The following ARID1A variants were observed in gnomAD, a reference collection of about 807,000 sequenced individuals.
ARID1A encodes the protein AT-rich interactive domain-containing protein 1A.
Under a neutral mutation model 212.6 loss-of-function variants are expected in ARID1A, and 20 were observed. The observed-to-expected ratio is 0.09, with a 90% CI of 0.07 to 0.14. The LOEUF is 0.14. Ranked by LOEUF, ARID1A falls within the 10% of genes least tolerant of loss-of-function variation. ARID1A has a pLI of 1.00. For synonymous variants in ARID1A, 1,376 were observed against 1,222.1 expected, an observed-to-expected ratio of 1.13 and a Z score of -2.63; for missense variants, 2,587 against 3,059.0, an observed-to-expected ratio of 0.85 and a Z score of 3.64.
At chr1:26,752,799 G>A (rs985330653) in intron 4 of ARID1A, among the ~76,000 whole-genome samples, 1 of 152,118 alleles carries the variant, frequency 6.6e-6, no homozygotes, top group Non-Finnish European at 1.5e-5. Context: ...CATTTAAGTG[G>A]GGATGGCTGA....
At chr1:26,723,962 G>A (rs114693082) in intron 1 of ARID1A, among the ~76,000 whole-genome samples, 1,745 of 152,242 alleles carry the variant, frequency 0.011, 11 homozygotes, top group Non-Finnish European at 0.018. Flanking sequence ...CTCAATTTGA[G>A]ATGAGTTATA....
Position 26,696,181 on chromosome 1 carries a change from G to GGCCGCCGCC in ARID1A, c.-216_-208dup. On this transcript the variant is annotated 5_prime_UTR_variant, in exon 1 of 20. Coordinates refer to ENST00000324856, the MANE Select transcript of ARID1A (RefSeq NM_006015.6). ...GGAGCAGCTGAGCCGCCGGCGCCTC[G>GGCCGCCGCC]GCCGCCGCCGCCGCCTCCTCCTCCT... is the stretch of plus-strand genomic sequence containing the variant. 1.6e-6 allele frequency: 1 copy of GGCCGCCGCC among 613,682 alleles called. No homozygotes were observed. Among genetic ancestry groups the GGCCGCCGCC allele is most frequent in the African/African-American group, 2.0e-5 (1 of 51,260 alleles). 38.0% of individuals were successfully genotyped at this position (613,682 alleles called of 1,614,324 possible).
Position 26,696,345 on chromosome 1 carries a change from G to GA in ARID1A, c.-58dup. ...GGGACTGGGCCCCGGGGCGGGGTGGGAGGGGGGGAGAAGACGAAGACAGGG... is the reference window on the plus strand; with the variant it reads ...GGGACTGGGCCCCGGGGCGGGGTGGGAAGGGGGGGAGAAGACGAAGACAGGG... On this transcript the variant is annotated 5_prime_UTR_variant, in exon 1 of 20. Coordinates refer to ENST00000324856, the MANE Select transcript of ARID1A (RefSeq NM_006015.6). 1 of 1,188,900 alleles carries GA rather than the reference G, an allele frequency of 8.4e-7. No homozygotes were observed. The highest frequency in any genetic ancestry group is 3.6e-5 in the East Asian group (1 of 27,796). The allele number at this position is 1,188,900 out of a possible 1,614,324, so 73.6% of individuals were successfully genotyped here.
At chr1:26,709,008 A>C (rs1431785795) in intron 1 of ARID1A, among the ~76,000 whole-genome samples, 1 of 151,944 alleles carries the variant, frequency 6.6e-6, no homozygotes. Context: ...TATTGTCTTA[A>C]TTTGCCACTT....
In ARID1A at chr1:26,774,311, T is replaced by TG; in HGVS notation, c.4102-17dup. ...GAGTGCAGAGTATTAACTTCCCCTC[T>TG]GCTTGTCTCTGCCTTAGAATTACAA... is the stretch of plus-strand genomic sequence containing the variant. On this transcript the variant is annotated splice_polypyrimidine_tract_variant and intron_variant, in intron 17 of 19. Coordinates refer to ENST00000324856, the MANE Select transcript of ARID1A (RefSeq NM_006015.6). This position sits in a 1 kb window ranked among gnomAD's most constrained non-coding sequence, Gnocchi z 5.6. The TG allele has an allele frequency of 6.6e-7, 1 of 1,524,306 alleles. No individual in the cohort carries two copies. The allele number at this position is 1,524,306 out of a possible 1,614,324, so 94.4% of individuals were successfully genotyped here.
chr1:26,697,352 A>G lies in ARID1A; in HGVS notation c.949A>G (p.Ser317Gly), dbSNP rs2080280726. The change falls in exon 1 of 20, where the codon AGT becomes GGT. Residue 317 changes from serine to glycine, a missense_variant. By Grantham distance (56) the Ser-to-Gly change is moderately conservative. Transcript: ENST00000324856. ...GYQGYPGGDY[S>G]GGPQDGGAGK... ...CCAGGGCTACCCCGGGGGCGACTAC[A>G]GTGGCGGGCCCCAGGACGGGGGCGC... 3 of 1,323,150 alleles carry G rather than the reference A, an allele frequency of 2.3e-6. No homozygotes were observed. Among genetic ancestry groups the G allele is most frequent in the East Asian group, 6.2e-5 (2 of 32,318 alleles). 82.0% of individuals were successfully genotyped at this position (1,323,150 alleles called of 1,614,324 possible). A position where few individuals can be genotyped will look rare whatever the true frequency, so the allele number is the denominator to read the frequency against.
chr1:26,722,987 TA>T (rs2080580016), intron 1 of ARID1A, among the ~76,000 whole-genome samples: 1 of 151,750 alleles, frequency 6.6e-6, no homozygotes, highest in Admixed American at 6.6e-5. Context: ...GGTCTAGGAG[TA>T]AAACTAAGAC....
At position 26,731,589 on chromosome 1, in the gene ARID1A, C is replaced by G. The variant is rs2124790501; in HGVS notation, c.1788C>G (p.Arg596=). The change falls in exon 3 of 20, where the codon CGC becomes CGG. Residue 596 remains arginine, a synonymous_variant. Transcript: ENST00000324856. ...QSQQTAYSQQ[R]FPPPQELSQD... ...AGCAAACTGCCTATTCCCAGCAGCG[C>G]TTCCCTCCACCGCAGGTAAGATATC... is the stretch of plus-strand genomic sequence containing the variant. The G allele has an allele frequency of 6.2e-7, 1 of 1,613,864 alleles. No homozygotes were observed. The highest frequency in any genetic ancestry group is 1.7e-5 in the Admixed American group (1 of 60,016).
At position 26,773,197 on chromosome 1, in the gene ARID1A, C is replaced by A. The variant is rs115829621; in HGVS notation, c.3716-149C>A. 1.8e-3 allele frequency: 2,344 copies of A among 1,285,906 alleles called. 35 individuals carry two copies. The African/African-American group carries it at 0.03, about 17-fold the overall frequency. The allele number at this position is 1,285,906 out of a possible 1,614,324, so 79.7% of individuals were successfully genotyped here. On this transcript the variant is annotated intron_variant, in intron 14 of 19. Transcript: ENST00000324856. The stretch of plus-strand genomic sequence containing the variant: ...TCCCTTAATAAGTACATGCTTTTCG[C>A]TGGTTGGGGCCTCTTTAGATCTCTG...
At position 26,696,379 on chromosome 1, in the gene ARID1A, C is replaced by T. The variant is rs1022075531; in HGVS notation, c.-25C>T. ...AGAAGACGAAGACAGGGCCGGGTCT[C>T]TCCGCGGACGAGACAGCGGGGATCA... On this transcript the variant is annotated 5_prime_UTR_variant, in exon 1 of 20. Coordinates refer to ENST00000324856, the MANE Select transcript of ARID1A (RefSeq NM_006015.6). 40 of 1,246,010 alleles carry T rather than the reference C, an allele frequency of 3.2e-5. No individual in the cohort carries two copies. The highest frequency in any genetic ancestry group is 1.1e-4 in the African/African-American group (7 of 62,940). The allele number at this position is 1,246,010 out of a possible 1,614,324, so 77.2% of individuals were successfully genotyped here.
intron 4 of ARID1A, among the ~76,000 whole-genome samples, chr1:26,739,668 C>T (rs1007763957): frequency 6.6e-6 from 1 of 152,162 alleles, no homozygotes; most frequent in Admixed American, 6.5e-5. Context: ...TAGCTGTGGC[C>T]TCAGTGCAGT....
chr1:26,768,985 A>G (rs1216043243), intron 11 of ARID1A, among the ~76,000 whole-genome samples: 1 of 152,258 alleles, frequency 6.6e-6, no homozygotes, highest in African/African-American at 2.4e-5. Flanking sequence ...ACAGTCAGTT[A>G]TGAATTCCTT....
At chr1:26,733,679 T>C (rs1027702906) in intron 4 of ARID1A, among the ~76,000 whole-genome samples, 1 of 152,168 alleles carries the variant, frequency 6.6e-6, no homozygotes, top group Admixed American at 6.5e-5. Flanking sequence ...AGAAATAAAA[T>C]AGGCTACTCT....
intron 1 of ARID1A, among the ~76,000 whole-genome samples, chr1:26,698,052 G>C (rs1038940733): frequency 6.6e-6 from 1 of 152,182 alleles, no homozygotes; most frequent in African/African-American, 2.4e-5. Flanking sequence ...GACTGCTTGG[G>C]AGCTGCTAGA....
At chr1:26,728,016 A>T (rs2080634589) in intron 1 of ARID1A, 1 of 152,238 alleles carries the variant, frequency 6.6e-6, no homozygotes, top group African/African-American at 2.4e-5. Flanking sequence ...TAGCTCTAAA[A>T]TTATGATAGG....
At chr1:26,730,878 C>G (rs897806645) in intron 2 of ARID1A, among the ~76,000 whole-genome samples, 1 of 152,206 alleles carries the variant, frequency 6.6e-6, no homozygotes, top group Admixed American at 6.5e-5. Flanking sequence ...GTAGAAACAG[C>G]TGCTCTCAAA....
intron 4 of ARID1A, among the ~76,000 whole-genome samples, chr1:26,758,689 C>T (rs1276664900): frequency 6.6e-6 from 1 of 152,002 alleles, no homozygotes; most frequent in Non-Finnish European, 1.5e-5. Context: ...ACATGGGGCT[C>T]TTCATAGCTC....
At chr1:26,754,429 G>A (rs1384459348) in intron 4 of ARID1A, among the ~76,000 whole-genome samples, 1 of 152,160 alleles carries the variant, frequency 6.6e-6, no homozygotes, top group African/African-American at 2.4e-5. Context: ...TATATTGCTG[G>A]TATGTTGTTA....
chr1:26,746,032 CAA>C (rs1269792313), intron 4 of ARID1A, among the ~76,000 whole-genome samples: 2 of 151,990 alleles, frequency 1.3e-5, no homozygotes, highest in Admixed American at 6.5e-5. Flanking sequence ...GTCTGGGCAA[CAA>C]GAGCAAAACT....
Sources: gnomAD v4.1 joint callset for allele counts (sites outside exome capture counted in the v4.1 genomes callset) on GRCh38, gnomAD v4.1.1 for gene constraint, Gnocchi (gnomAD v3.1) non-coding constraint, MANE v1.5 for transcripts, NCBI Gene and HGNC (gene_info 2026-07-23, HGNC 2026-07-21) for gene names.